NEMP1: variants seen among roughly 807,000 people sequenced by gnomAD.
NEMP1 encodes the protein nuclear envelope integral membrane protein 1.
A neutral mutation model predicts 53.7 loss-of-function variants in NEMP1; 29 were observed. The ratio of observed to expected loss-of-function variants is 0.54; its 90% CI spans 0.40 to 0.74. The LOEUF (loss-of-function observed/expected upper bound fraction) is 0.74, where lower values mean the gene tolerates loss of function less well. Ranked by LOEUF, NEMP1 falls within the 30% of genes least tolerant of loss-of-function variation. The pLI, the probability that NEMP1 is intolerant of heterozygous loss-of-function variation, is 0.00. For missense variants in NEMP1, 477 were observed against 528.6 expected (o/e 0.90, Z 0.96); for synonymous variants, 193 against 192.9 (o/e 1.00, Z 0.00).
Position 57,086,679 on chromosome 12 carries a change from G to A in NEMP1, n.113+1272C>T, listed in dbSNP as rs533558874. On this transcript the variant is annotated intron_variant and non_coding_transcript_variant, in intron 1 of 2. Coordinates refer to the NEMP1 transcript ENST00000553654. ...AGGAGGGGAGTTGGGGGTGGCAGGA[G>A]TGGGCGGGAAGAACAGACATCTCGG... Among the ~76,000 whole-genome samples the A allele has an allele frequency of 9.1e-4, 138 of 152,306 alleles. 2 individuals carry two copies. In the Middle Eastern group the frequency reaches 0.01, roughly 11 times the overall value.
Position 57,070,686 on chromosome 12 carries a change from T to C in NEMP1, c.460A>G (p.Ile154Val). The change falls in exon 3 of 9, where the codon ATT (isoleucine) becomes GTT (valine). Residue 154 changes from isoleucine to valine, a missense_variant. By Grantham distance (29) the Ile-to-Val change is conservative (BLOSUM62 3). Transcript: ENST00000300128. ...IIEKDTKYSV[I>V]VIRRFDPKLF... ...AGGTGAGACTTACTCCGGATCACAATGACACTGTACTTGGTGTCCTTCTCT... is the reference window on the plus strand; with the variant it reads ...AGGTGAGACTTACTCCGGATCACAACGACACTGTACTTGGTGTCCTTCTCT... 2 of 1,553,174 alleles carry C rather than the reference T, an allele frequency of 1.3e-6. No homozygotes were observed. The highest frequency in any genetic ancestry group is 1.7e-6 in the Non-Finnish European group (2 of 1,147,512).
intron 1 of NEMP1, among the ~76,000 whole-genome samples, chr12:57,084,088 G>A (rs140663127): frequency 0.016 from 2,418 of 152,252 alleles, 51 homozygotes; most frequent in African/African-American, 0.054. Context: ...TCCACCTCCC[G>A]AGTAGCTGGG....
At chr12:57,086,548 C>CAG (rs2033000729) in intron 1 of NEMP1, among the ~76,000 whole-genome samples, 1 of 152,100 alleles carries the variant, frequency 6.6e-6, no homozygotes, top group Non-Finnish European at 1.5e-5. Flanking sequence ...CACACACACA[C>CAG]CTGTCTCTTT....
chr12:57,061,055 G>C, intron 7 of NEMP1, 110 bp from the exon 8 acceptor site: 1 of 1,087,058 alleles, frequency 9.2e-7, no homozygotes, highest in Non-Finnish European at 1.3e-6. Context: ...TGAACATTAA[G>C]AGTCATCACT....
rs2031763706 is a variant in NEMP1, at chr12:57,060,832, A to G, written c.1094T>C (p.Phe365Ser). 6.2e-7 allele frequency: 1 copy of G among 1,614,096 alleles called. No homozygotes were observed. The highest frequency in any genetic ancestry group is 1.7e-5 in the Admixed American group (1 of 60,014). ...AGCAGAGCAGTCTGGACTGTTACAA[A>G]ATTCTCGGAGCTCCTCTAAAGCCTT... The part of the protein sequence containing the change: ...TRKALEELRE[F>S]CNSPDCSAWK... Residue 365 changes from phenylalanine (F) to serine (S), a missense_variant, in exon 8 of 9, where the codon TTT becomes TCT. Phe to Ser is a radical substitution (Grantham distance 155, BLOSUM62 -2). Coordinates refer to ENST00000300128, the MANE Select transcript of NEMP1 (RefSeq NM_001130963.2).
chr12:57,087,408 G>A (rs866374895), intron 1 of NEMP1, among the ~76,000 whole-genome samples: 26 of 149,982 alleles, frequency 1.7e-4, no homozygotes, highest in Middle Eastern at 3.4e-3. Context: ...GAAACCCGGG[G>A]CCAGCGGCTG....
intron 1 of NEMP1, among the ~76,000 whole-genome samples, chr12:57,085,086 G>A (rs2032954611): frequency 6.6e-6 from 1 of 152,272 alleles, no homozygotes; most frequent in East Asian, 1.9e-4. Context: ...TATAGTTTCT[G>A]AAACATATCA....
chr12:57,078,581 G>C, intron 1 of NEMP1, 38 bp downstream of exon 1: 1 of 1,583,950 alleles, frequency 6.3e-7, no homozygotes, highest in Non-Finnish European at 8.6e-7. Context: ...TAACCCCCTC[G>C]GCACCTGCCC....
upstream of NEMP1, among the ~76,000 whole-genome samples, chr12:57,080,585 GA>G (rs34664557): frequency 2.3e-4 from 32 of 137,538 alleles, no homozygotes; most frequent in African/African-American, 4.7e-4. Flanking sequence ...TCTCAAAAGA[GA>G]AAAAAAAAAA....
At position 57,063,921 on chromosome 12, in the gene NEMP1, T is replaced by C. The variant is rs1303525416; in HGVS notation, c.754+150A>G. On this transcript the variant is annotated intron_variant, in intron 6 of 8. Coordinates refer to ENST00000300128, the MANE Select transcript of NEMP1 (RefSeq NM_001130963.2). ...AGAGAAGGTGATAATTGTAGAGGGA[T>C]TAGAAATAAGTGAAAAACTATGATT... The C allele has an allele frequency of 5.7e-6, 3 of 524,756 alleles. No homozygotes were observed. In the African/African-American group the frequency reaches 6.1e-5, roughly 11 times the overall value. 32.5% of individuals were successfully genotyped at this position (524,756 alleles called of 1,614,324 possible).
At chr12:57,086,815 A>G (rs2033009115) in intron 1 of NEMP1, among the ~76,000 whole-genome samples, 1 of 152,254 alleles carries the variant, frequency 6.6e-6, no homozygotes, top group Admixed American at 6.5e-5. Context: ...AGAGGAACAC[A>G]GATATACAAG....
upstream of NEMP1, among the ~76,000 whole-genome samples, chr12:57,081,490 G>GCCT (rs2032844622): frequency 6.6e-6 from 1 of 151,922 alleles, no homozygotes; most frequent in South Asian, 2.1e-4. Flanking sequence ...TGATTTGCCC[G>GCCT]CCTCGGCCTC....
intron 1 of NEMP1, among the ~76,000 whole-genome samples, chr12:57,084,247 C>A (rs577070241): frequency 6.6e-6 from 1 of 152,322 alleles, no homozygotes; most frequent in Non-Finnish European, 1.5e-5. Context: ...AGGGCATAAA[C>A]CACAGTACCC....
At chr12:57,071,954 C>T (rs1289796072) in intron 2 of NEMP1, among the ~76,000 whole-genome samples, 1 of 152,212 alleles carries the variant, frequency 6.6e-6, no homozygotes, top group East Asian at 1.9e-4. Context: ...ATCACTGTTA[C>T]AGCCAGACAT....
intron 1 of NEMP1, among the ~76,000 whole-genome samples, chr12:57,074,945 C>A (rs1240317125): frequency 6.6e-6 from 1 of 151,956 alleles, no homozygotes; most frequent in African/African-American, 2.4e-5. Context: ...AAAAAATCAG[C>A]TGGGCATGGT....
intron 1 of NEMP1, among the ~76,000 whole-genome samples, chr12:57,087,443 G>C (rs1477373066): frequency 6.6e-6 from 1 of 151,602 alleles, no homozygotes; most frequent in African/African-American, 2.4e-5. Flanking sequence ...AAAATAACCT[G>C]AGGTGGGGGG....
In NEMP1 at chr12:57,069,326, T is replaced by C. The variant is rs1189692914; in HGVS notation, c.473-20A>G. On this transcript the variant is annotated intron_variant, in intron 3 of 8. Transcript: ENST00000300128. The stretch of plus-strand genomic sequence containing the variant: ...CAAATCCTGAAATAAATAAAGATTT[T>C]TGCTTAATAAGGGAACAAAACTGCT... The C allele has an allele frequency of 2.0e-6, 3 of 1,518,358 alleles. No homozygotes were observed. Among genetic ancestry groups the C allele is most frequent in the Non-Finnish European group, 8.9e-7 (1 of 1,125,216 alleles). The allele number at this position is 1,518,358 out of a possible 1,614,324, so 94.1% of individuals were successfully genotyped here. A position where few individuals can be genotyped will look rare whatever the true frequency, so the allele number is the denominator to read the frequency against.
intron 4 of NEMP1, among the ~76,000 whole-genome samples, chr12:57,067,142 G>A (rs528265418): frequency 9.7e-4 from 147 of 152,012 alleles, no homozygotes; most frequent in South Asian, 7.3e-3. Context: ...TGGCTAACAC[G>A]GTGAAACCCG....
chr12:57,060,100 G>A (rs2136479608), intron 8 of NEMP1, 41 bp from the exon 9 acceptor site: 1 of 1,564,920 alleles, frequency 6.4e-7, no homozygotes, highest in Non-Finnish European at 8.7e-7. Flanking sequence ...ATATCCTTCT[G>A]TCCTTTCTGG....
Sources: gnomAD v4.1 joint callset for allele counts (sites outside exome capture counted in the v4.1 genomes callset) on GRCh38, gnomAD v4.1.1 for gene constraint, MANE v1.5 for transcripts, NCBI Gene and HGNC (gene_info 2026-07-23, HGNC 2026-07-21) for gene names.